CDK6: variants seen among roughly 807,000 people sequenced by gnomAD.
CDK6 encodes cyclin-dependent kinase 6.
In CDK6, 6 loss-of-function variants were observed where a neutral mutation model predicts 37.1. That is an observed-to-expected ratio of 0.16 (90% CI 0.09 to 0.32). The LOEUF is 0.32. CDK6 is among the 10% of genes least tolerant of loss of function. The probability of loss-of-function intolerance (pLI) is 1.00; values close to 1 mark genes in which losing one functional copy is unlikely to be tolerated. For synonymous variants in CDK6, 160 were observed against 161.3 expected (o/e 0.99, Z 0.06); for missense variants, 224 against 418.9 (o/e 0.53, Z 4.06).
intron 3 of CDK6, among the ~76,000 whole-genome samples, chr7:92,729,749 T>TC (rs1230652914): frequency 6.6e-6 from 1 of 152,188 alleles, no homozygotes; most frequent in Admixed American, 6.5e-5. Flanking sequence ...CCTTCTTTTC[T>TC]TTTTCTTTTC....
intron 4 of CDK6, among the ~76,000 whole-genome samples, chr7:92,703,547 A>C (rs1005314714): frequency 6.6e-6 from 1 of 152,198 alleles, no homozygotes; most frequent in Non-Finnish European, 1.5e-5. Flanking sequence ...AAGTATTCTC[A>C]ATTCTCTAGA....
intron 3 of CDK6, among the ~76,000 whole-genome samples, chr7:92,764,956 CT>C (rs1483155795): frequency 2.0e-5 from 3 of 151,862 alleles, no homozygotes; most frequent in East Asian, 1.9e-4. Context: ...TAGAATGGTC[CT>C]TTTTTTCAAC....
intron 2 of CDK6, among the ~76,000 whole-genome samples, chr7:92,805,687 T>C (rs930365014): frequency 6.6e-6 from 1 of 152,178 alleles, no homozygotes; most frequent in Non-Finnish European, 1.5e-5. Flanking sequence ...AGAACTATCC[T>C]AAAGCACTCC....
chr7:92,658,072 A>G (rs1400266593), intron 5 of CDK6, among the ~76,000 whole-genome samples: 1 of 152,188 alleles, frequency 6.6e-6, no homozygotes, highest in African/African-American at 2.4e-5. Flanking sequence ...CAAGGCTTAC[A>G]TAAGAGTTCT....
rs1795474877 is a variant in CDK6, at chr7:92,608,249, A to G, written c.*6891T>C. The G allele has an allele frequency of 4.3e-6, 1 of 232,230 alleles. No homozygotes were observed. Among genetic ancestry groups the G allele is most frequent in the Admixed American group, 5.6e-5 (1 of 17,762 alleles). 14.4% of individuals were successfully genotyped at this position (232,230 alleles called of 1,614,324 possible). Reference sequence around the variant, plus strand: ...CCTACATTTGACAATCCAAACTCCTAAAATTGAGAAAGGGTTATTTGTGTG... The same window carrying G: ...CCTACATTTGACAATCCAAACTCCTGAAATTGAGAAAGGGTTATTTGTGTG... On this transcript the variant is annotated 3_prime_UTR_variant, in exon 8 of 8. Transcript: ENST00000424848.
rs73416970 is a variant in CDK6 at position 92,819,552 on chromosome 7, A to C, written c.233+13539T>G. 5.4e-3 allele frequency among the ~76,000 whole-genome samples: 818 copies of C among 152,220 alleles called. 7 individuals carry two copies. Among genetic ancestry groups the C allele is most frequent in the African/African-American group, 0.018 (762 of 41,566 alleles). ...AAAATTATACCTTTAGCTCGTTTTG[A>C]CTTTAAAAAAGCCAAAGGATATTCA... On this transcript the variant is annotated intron_variant, in intron 2 of 7. Coordinates refer to ENST00000424848, the MANE Select transcript of CDK6 (RefSeq NM_001145306.2).
intron 5 of CDK6, among the ~76,000 whole-genome samples, chr7:92,642,566 C>T (rs1289705578): frequency 1.3e-5 from 2 of 152,104 alleles, no homozygotes; most frequent in African/African-American, 2.4e-5. Flanking sequence ...AAGTGATACA[C>T]CAAGGTAATT....
chr7:92,770,319 C>CTTTTTTTTTTTT (rs746741500), intron 3 of CDK6, among the ~76,000 whole-genome samples: 1 of 90,934 alleles, frequency 1.1e-5, no homozygotes, highest in Non-Finnish European at 2.3e-5. Context: ...TCTATGTATG[C>CTTTTTTTTTTTT]TTTTTTTTTT....
intron 3 of CDK6, among the ~76,000 whole-genome samples, chr7:92,768,790 T>C (rs1030230707): frequency 6.6e-6 from 1 of 152,168 alleles, no homozygotes; most frequent in Admixed American, 6.5e-5. Context: ...CAAGCCTGCC[T>C]TGTTTTCTGG....
chr7:92,760,352 A>G (rs1799424142), intron 3 of CDK6, among the ~76,000 whole-genome samples: 2 of 152,276 alleles, frequency 1.3e-5, no homozygotes, highest in South Asian at 4.1e-4. Flanking sequence ...TCATCAGTAA[A>G]CATGTACTGA....
chr7:92,732,052 T>G (rs1585438116), intron 3 of CDK6, among the ~76,000 whole-genome samples: 1 of 152,342 alleles, frequency 6.6e-6, no homozygotes, highest in East Asian at 1.9e-4. Flanking sequence ...ATACACATTG[T>G]TTTGTGAGGC....
At chr7:92,719,592 T>C (rs1388807634) in intron 4 of CDK6, among the ~76,000 whole-genome samples, 2 of 152,158 alleles carry the variant, frequency 1.3e-5, no homozygotes, top group African/African-American at 4.8e-5. Context: ...ACTAAAAAGA[T>C]GGGAACATAC....
At chr7:92,794,990 G>A (rs768778237) in intron 2 of CDK6, among the ~76,000 whole-genome samples, 2 of 152,084 alleles carry the variant, frequency 1.3e-5, no homozygotes, top group Admixed American at 6.6e-5. Flanking sequence ...AGAAAAACTG[G>A]ACTGCTTCCC....
chr7:92,696,765 A>C (rs1384576359), intron 4 of CDK6, among the ~76,000 whole-genome samples: 1 of 152,228 alleles, frequency 6.6e-6, no homozygotes, highest in African/African-American at 2.4e-5. Flanking sequence ...CAGCATATGG[A>C]ATCCTGGGGT....
intron 4 of CDK6, among the ~76,000 whole-genome samples, chr7:92,711,552 ATTTTTTTTTTTTT>A (rs11285626): frequency 7.1e-5 from 4 of 56,626 alleles, no homozygotes; most frequent in Middle Eastern, 0.015. Context: ...GAATGGTCAA[ATTTTTTTTTTTTT>A]TTTTTTTTTT....
chr7:92,694,882 TCCTA>T (rs1273703501), intron 4 of CDK6, among the ~76,000 whole-genome samples: 31 of 152,188 alleles, frequency 2.0e-4, no homozygotes, highest in Non-Finnish European at 8.8e-5. Flanking sequence ...ATTTTTCTGT[TCCTA>T]CCTATTGAAA....
chr7:92,715,800 A>G (rs1459625720), intron 4 of CDK6, among the ~76,000 whole-genome samples: 2 of 152,244 alleles, frequency 1.3e-5, no homozygotes, highest in African/African-American at 4.8e-5. Flanking sequence ...ACCCAAATGG[A>G]CTAGATAAAA....
At chr7:92,761,336 G>T (rs1339232280) in intron 3 of CDK6, among the ~76,000 whole-genome samples, 1 of 152,092 alleles carries the variant, frequency 6.6e-6, no homozygotes, top group Non-Finnish European at 1.5e-5. Flanking sequence ...TTTAGACTGT[G>T]TACAAAATAT....
At chr7:92,760,744 T>C (rs1156523777) in intron 3 of CDK6, among the ~76,000 whole-genome samples, 1 of 152,152 alleles carries the variant, frequency 6.6e-6, no homozygotes. Flanking sequence ...TTTTAATATA[T>C]GTATTTGAAA....
Sources: gnomAD v4.1 joint callset for allele counts (sites outside exome capture counted in the v4.1 genomes callset) on GRCh38, gnomAD v4.1.1 for gene constraint, MANE v1.5 for transcripts, NCBI Gene and HGNC (gene_info 2026-07-23, HGNC 2026-07-21) for gene names.